The following NDUFAF2 variants were observed in gnomAD, a reference collection of about 807,000 sequenced individuals.
The protein encoded by NDUFAF2 is NADH dehydrogenase [ubiquinone] 1 alpha subcomplex assembly factor 2.
Under a neutral mutation model 22.8 loss-of-function variants are expected in NDUFAF2, and 13 were observed. The ratio of observed to expected loss-of-function variants is 0.57; its 90% CI spans 0.37 to 0.91. NDUFAF2 has a LOEUF of 0.91. NDUFAF2 is among the 40% of genes least tolerant of loss of function. The probability of loss-of-function intolerance (pLI) is 0.01; values close to 1 mark genes in which losing one functional copy is unlikely to be tolerated. For synonymous variants in NDUFAF2, 53 were observed against 64.2 expected (o/e 0.83, Z 0.84); for missense variants, 162 against 195.2 (o/e 0.83, Z 1.01).
chr5:61,042,404 G>A (rs1309638132), intron 1 of NDUFAF2, among the ~76,000 whole-genome samples: 5 of 151,962 alleles, frequency 3.3e-5, no homozygotes, highest in Non-Finnish European at 5.9e-5. Flanking sequence ...AACTATTTGT[G>A]GAAAAACAAA....
chr5:61,001,716 C>T (rs1022112945), intron 1 of NDUFAF2, among the ~76,000 whole-genome samples: 1 of 151,952 alleles, frequency 6.6e-6, no homozygotes, highest in Non-Finnish European at 1.5e-5. Context: ...ATATTGAAGA[C>T]ATTTGTTCTC....
chr5:61,013,702 C>CT (rs10628072), intron 1 of NDUFAF2, among the ~76,000 whole-genome samples: 80,900 of 145,302 alleles, frequency 0.56, 23,739 homozygotes, highest in East Asian at 0.94. Flanking sequence ...ACTTTATCTC[C>CT]TTTTTTTTTT....
At chr5:60,966,097 A>G (rs1748593410) in intron 1 of NDUFAF2, among the ~76,000 whole-genome samples, 1 of 151,952 alleles carries the variant, frequency 6.6e-6, no homozygotes, top group Non-Finnish European at 1.5e-5. Flanking sequence ...TTGTGGTTTT[A>G]ATTTGCGTTT....
At chr5:61,072,192 C>A (rs996157079) in intron 1 of NDUFAF2, among the ~76,000 whole-genome samples, 2 of 152,202 alleles carry the variant, frequency 1.3e-5, no homozygotes, top group South Asian at 4.1e-4. Flanking sequence ...CAATGTGGCT[C>A]TAACAGTAAC....
intron 1 of NDUFAF2, among the ~76,000 whole-genome samples, chr5:60,983,664 T>C (rs1015745116): frequency 2.0e-5 from 3 of 151,302 alleles, no homozygotes; most frequent in African/African-American, 7.3e-5. Flanking sequence ...GGGAATCCTT[T>C]CCCCATTTCT....
intron 1 of NDUFAF2, among the ~76,000 whole-genome samples, chr5:61,009,311 T>C (rs565245900): frequency 6.6e-6 from 1 of 152,184 alleles, no homozygotes; most frequent in South Asian, 2.1e-4. Flanking sequence ...TTTAATTTGC[T>C]ATTGTGCACT....
intron 3 of NDUFAF2, among the ~76,000 whole-genome samples, chr5:61,136,965 G>A (rs1428919062): frequency 1.3e-5 from 2 of 152,192 alleles, no homozygotes; most frequent in Non-Finnish European, 2.9e-5. Context: ...TAAGAAACAA[G>A]CTTCATCTAA....
At chr5:61,091,140 A>G (rs1404004435) in intron 2 of NDUFAF2, among the ~76,000 whole-genome samples, 2 of 152,224 alleles carry the variant, frequency 1.3e-5, no homozygotes, top group Admixed American at 1.3e-4. Context: ...TAGTGCTGCA[A>G]TAAACATACA....
At chr5:61,107,046 T>TATACACACAC (rs1295236944) in intron 3 of NDUFAF2, among the ~76,000 whole-genome samples, 3 of 124,018 alleles carry the variant, frequency 2.4e-5, no homozygotes, top group Middle Eastern at 8.3e-3. Context: ...TGGATAAATA[T>TATACACACAC]ACACACACAC....
intron 1 of NDUFAF2, among the ~76,000 whole-genome samples, chr5:61,033,106 A>G (rs1344984229): frequency 6.6e-6 from 1 of 152,158 alleles, no homozygotes; most frequent in Non-Finnish European, 1.5e-5. Context: ...TTCTCCTTGA[A>G]GAGTTCCTTC....
chr5:61,003,823 AT>A (rs1751330414), intron 1 of NDUFAF2, among the ~76,000 whole-genome samples: 1 of 151,268 alleles, frequency 6.6e-6, no homozygotes, highest in Admixed American at 6.6e-5. Context: ...ATGCCTGGCT[AT>A]TTTTTATTTA....
At chr5:61,126,399 T>G (rs1278453983) in intron 3 of NDUFAF2, among the ~76,000 whole-genome samples, 1 of 152,064 alleles carries the variant, frequency 6.6e-6, no homozygotes, top group Non-Finnish European at 1.5e-5. Context: ...GCATAAGTTT[T>G]CAGTAATTGT....
chr5:60,969,147 T>G (rs1750795864), intron 1 of NDUFAF2, among the ~76,000 whole-genome samples: 1 of 152,144 alleles, frequency 6.6e-6, no homozygotes. Flanking sequence ...AAATCTTCAT[T>G]ATTGTGAATA....
intron 1 of NDUFAF2, among the ~76,000 whole-genome samples, chr5:61,004,473 CAT>C (rs1330877958): frequency 1.3e-5 from 2 of 151,996 alleles, no homozygotes; most frequent in East Asian, 1.9e-4. Context: ...ACTGGAGTAT[CAT>C]ATAAGGGAAT....
intron 1 of NDUFAF2, among the ~76,000 whole-genome samples, chr5:61,041,548 G>A (rs147152696): frequency 6.6e-6 from 1 of 152,266 alleles, no homozygotes; most frequent in African/African-American, 2.4e-5. Flanking sequence ...ACTCATTACT[G>A]AGAATAGACC....
At chr5:61,128,491 A>G (rs1272163615) in intron 3 of NDUFAF2, among the ~76,000 whole-genome samples, 2 of 152,066 alleles carry the variant, frequency 1.3e-5, no homozygotes, top group African/African-American at 2.4e-5. Context: ...CAGAAATAAT[A>G]CCACACATCT....
Position 60,985,764 on chromosome 5 carries a change from C to G in NDUFAF2, c.127+40382C>G, listed in dbSNP as rs563198418. On this transcript the variant is annotated intron_variant, in intron 1 of 3. Transcript: ENST00000296597. ...TTTAAAACCATCAGATCTCAGGAGA[C>G]TCATTCACTATCATGAGATCGGCTC... Among the ~76,000 whole-genome samples the G allele has an allele frequency of 2.0e-5, 3 of 152,220 alleles. No homozygotes were observed. In the East Asian group the frequency reaches 5.8e-4, roughly 29 times the overall value.
intron 3 of NDUFAF2, chr5:61,115,368 G>C (rs1752898603): frequency 6.6e-6 from 1 of 152,358 alleles, no homozygotes; most frequent in South Asian, 2.1e-4. Flanking sequence ...CCAAGGCCTA[G>C]AATCAAGGAC....
At chr5:61,055,487 G>T (rs1226419160) in intron 1 of NDUFAF2, among the ~76,000 whole-genome samples, 7 of 152,168 alleles carry the variant, frequency 4.6e-5, no homozygotes, top group Non-Finnish European at 1.0e-4. Flanking sequence ...TTTCAGGTGG[G>T]TGTGAGTGAG....
Sources: allele counts gnomAD v4.1 joint callset (sites outside exome capture counted in the v4.1 genomes callset), GRCh38; gene constraint gnomAD v4.1.1; transcripts MANE v1.5; gene names NCBI Gene and HGNC (gene_info 2026-07-23, HGNC 2026-07-21).